ATP6V1E2: variants seen among roughly 807,000 people sequenced by gnomAD.
ATP6V1E2 encodes the protein ATPase H+ transporting V1 subunit E2.
For missense variants in ATP6V1E2, 308 were observed against 273.3 expected (o/e 1.13, Z -0.90); for synonymous variants, 121 against 104.2 (o/e 1.16, Z -0.98).
intron 4 of ATP6V1E2, chr2:46,519,004 G>A (rs540987371): frequency 6.6e-6 from 1 of 152,380 alleles, no homozygotes; most frequent in East Asian, 1.9e-4. Context: ...ACAGAATGTG[G>A]AACTTGGAAC....
In ATP6V1E2 at chr2:46,530,101, G is replaced by C. The variant is rs1424825506; in HGVS notation, c.-102+5712C>G. Among the ~76,000 whole-genome samples, 1 of 152,162 alleles carries C rather than the reference G, an allele frequency of 6.6e-6. No individual in the cohort carries two copies. Among genetic ancestry groups the C allele is most frequent in the African/African-American group, 2.4e-5 (1 of 41,432 alleles). The stretch of plus-strand genomic sequence containing the variant: ...TGGAAATTCCCACCTTTAACTGAAG[G>C]TCTCAGGATCACTCAATTCAGGCCA... On this transcript the variant is annotated intron_variant, in intron 4 of 4. Transcript: ENST00000522587. The surrounding 1 kb of genome is among the most constrained non-coding windows in gnomAD (Gnocchi z 5.2).
chr2:46,523,910 G>A (rs978240037), intron 4 of ATP6V1E2, among the ~76,000 whole-genome samples: 8 of 152,222 alleles, frequency 5.3e-5, no homozygotes, highest in African/African-American at 1.7e-4. Flanking sequence ...TATTCCTTGA[G>A]CAGTGGTTTG....
chr2:46,514,205 A>G (rs567136304), intron 4 of ATP6V1E2, among the ~76,000 whole-genome samples: 1 of 152,262 alleles, frequency 6.6e-6, no homozygotes, highest in South Asian at 2.1e-4. Flanking sequence ...GCTTGAACCC[A>G]GGAGGTGGAG....
At chr2:46,514,584 C>T (rs536857617) in intron 4 of ATP6V1E2, among the ~76,000 whole-genome samples, 1 of 152,144 alleles carries the variant, frequency 6.6e-6, no homozygotes, top group South Asian at 2.1e-4. Flanking sequence ...GAAGATATAA[C>T]ATTTGAAATT....
chr2:46,518,796 G>A (rs1043031901), intron 4 of ATP6V1E2: 8 of 87,714 alleles, frequency 9.1e-5, no homozygotes, highest in Non-Finnish European at 1.4e-4. Flanking sequence ...GTGTGTGTGT[G>A]TGTGTGTGTG....
rs2103919999 is a variant in ATP6V1E2 at position 46,533,197 on chromosome 2, G to A, written c.-102+2616C>T. Among the ~76,000 whole-genome samples the A allele has an allele frequency of 1.4e-5, 2 of 140,430 alleles. 1 individual carries two copies. The highest frequency in any genetic ancestry group is 4.7e-4 in the South Asian group (2 of 4,238). 92.1% of individuals were successfully genotyped at this position (140,430 alleles called of 152,430 possible). A position where few individuals can be genotyped will look rare whatever the true frequency, so the allele number is the denominator to read the frequency against. ...GTTATATCATATATAGTGTGTGCAT[G>A]TATGTGTAGATAGATAGATAGATAG... On this transcript the variant is annotated intron_variant, in intron 4 of 4. Transcript: ENST00000522587.
intron 1 of ATP6V1E2, 48 bp downstream of exon 1, chr2:46,542,169 G>A (rs925251853): frequency 1.3e-5 from 2 of 151,444 alleles, no homozygotes; most frequent in African/African-American, 4.9e-5. Context: ...CCAGCTCAAG[G>A]ACCGCCACCA....
intron 4 of ATP6V1E2, among the ~76,000 whole-genome samples, chr2:46,513,848 C>T (rs780914771): frequency 1.3e-5 from 2 of 152,014 alleles, no homozygotes; most frequent in African/African-American, 2.4e-5. Flanking sequence ...CAACAAAACA[C>T]GTTATATTCT....
In ATP6V1E2 at chr2:46,512,281, A is replaced by G. The variant is rs976307968; in HGVS notation, c.431T>C (p.Val144Ala). ...VRCRPQDLLL[V>A]EAAVQKAIPE... ...GATGGCTTTTTGTACAGCAGCCTCC[A>G]CCAGGAGGAGGTCTTGTGGCCGGCA... The change falls in exon 5 of 5, where the codon GTG becomes GCG. Residue 144 changes from valine to alanine, a missense_variant. By Grantham distance (64) the Val-to-Ala change is moderately conservative. Transcript: ENST00000522587. 2 of 1,611,602 alleles carry G rather than the reference A, an allele frequency of 1.2e-6. No individual in the cohort carries two copies. The highest frequency in any genetic ancestry group is 1.7e-6 in the Non-Finnish European group (2 of 1,178,464).
chr2:46,539,573 A>C (rs936030566), intron 2 of ATP6V1E2, among the ~76,000 whole-genome samples: 5 of 152,258 alleles, frequency 3.3e-5, no homozygotes, highest in Non-Finnish European at 7.3e-5. Flanking sequence ...TGCCCAACCC[A>C]TGCCAGACCC....
chr2:46,520,040 A>AG (rs1311580295), intron 4 of ATP6V1E2: 1 of 152,266 alleles, frequency 6.6e-6, no homozygotes, highest in African/African-American at 2.4e-5. Flanking sequence ...CCTGAATCCC[A>AG]GGATTCTGAA....
chr2:46,524,858 G>A (rs1466544324), intron 4 of ATP6V1E2, among the ~76,000 whole-genome samples: 1 of 152,178 alleles, frequency 6.6e-6, no homozygotes, highest in Non-Finnish European at 1.5e-5. Context: ...AAGACACTGG[G>A]GTGTGAATGG....
chr2:46,533,881 G>T (rs982801887), intron 4 of ATP6V1E2, among the ~76,000 whole-genome samples: 4 of 152,164 alleles, frequency 2.6e-5, no homozygotes, highest in Non-Finnish European at 5.9e-5. Flanking sequence ...TCACTTTAAA[G>T]ACGCGATTTC....
intron 4 of ATP6V1E2, among the ~76,000 whole-genome samples, chr2:46,513,193 TCAGCCAGGATTTAATC>T (rs144793172): frequency 0.32 from 44,400 of 138,356 alleles, 7,317 homozygotes; most frequent in Middle Eastern, 0.39. Flanking sequence ...AAACTCATGG[TCAGCCAGGATTTAATC>T]CAGCCAGGAT....
At chr2:46,513,455 C>T (rs1330405432) in intron 4 of ATP6V1E2, among the ~76,000 whole-genome samples, 1 of 152,172 alleles carries the variant, frequency 6.6e-6, no homozygotes, top group Non-Finnish European at 1.5e-5. Context: ...TAGCGTTGTT[C>T]AAGTTCTCTG....
In ATP6V1E2 at chr2:46,512,196, G is replaced by T. The variant is rs776602780; in HGVS notation, c.516C>A (p.Tyr172Ter). 4 of 1,614,046 alleles carry T rather than the reference G, an allele frequency of 2.5e-6. No individual in the cohort carries two copies. Among genetic ancestry groups the T allele is most frequent in the African/African-American group, 1.3e-5 (1 of 74,906 alleles). ...CACCTCCAGCTGCATTCACAGCCAGGTATGCCTCTTTATCAATCTGGACCT... is the reference window on the plus strand; with the variant it reads ...CACCTCCAGCTGCATTCACAGCCAGTTATGCCTCTTTATCAATCTGGACCT... ...HVEVQIDKEAYLAVNAAGGVE... is the reference protein window; with the variant it reads ...HVEVQIDKEA The change falls in exon 5 of 5, where the codon TAC (tyrosine) becomes TAA (stop). Residue 172 changes from tyrosine (Y) to a stop codon, truncating the protein, a stop_gained. Transcript: ENST00000522587. LOFTEE classifies it low-confidence loss of function (END_TRUNC).
In ATP6V1E2 at chr2:46,530,318, G is replaced by A. The variant is rs2103906299; in HGVS notation, c.-102+5495C>T. 6.6e-6 allele frequency among the ~76,000 whole-genome samples: 1 copy of A among 152,238 alleles called. No individual in the cohort carries two copies. Among genetic ancestry groups the A allele is most frequent in the African/African-American group, 2.4e-5 (1 of 41,520 alleles). On this transcript the variant is annotated intron_variant, in intron 4 of 4. Transcript: ENST00000522587. This position sits in a 1 kb window ranked among gnomAD's most constrained non-coding sequence, Gnocchi z 5.2. Reference sequence around the variant, plus strand: ...TGCACAGTAAAGGGATGATGGTGGTGGGTGGGGTGGTCATGCCCCCAATTC... The same window carrying A: ...TGCACAGTAAAGGGATGATGGTGGTAGGTGGGGTGGTCATGCCCCCAATTC...
At chr2:46,528,655 A>G (rs1419206845) in intron 4 of ATP6V1E2, among the ~76,000 whole-genome samples, 2 of 152,214 alleles carry the variant, frequency 1.3e-5, no homozygotes, top group Non-Finnish European at 2.9e-5. Flanking sequence ...AGATGCATCC[A>G]GGACTGGGCA....
rs1356168429 is a variant in ATP6V1E2, at chr2:46,535,343, C to A, written c.-102+470G>T. The stretch of plus-strand genomic sequence containing the variant: ...CACATTAATAAAGTGATCTGCTTCT[C>A]CAGTCTCTTCTCAGGAGCCTGGGTT... On this transcript the variant is annotated intron_variant, in intron 4 of 4. Coordinates refer to ENST00000522587, the MANE Select transcript of ATP6V1E2 (RefSeq NM_001318063.2). This position sits in a 1 kb window ranked among gnomAD's most constrained non-coding sequence, Gnocchi z 4.4. 6.6e-6 allele frequency: 1 copy of A among 152,118 alleles called. No homozygotes were observed. Among genetic ancestry groups the A allele is most frequent in the East Asian group, 1.9e-4 (1 of 5,202 alleles). The allele number at this position is 152,118 out of a possible 1,614,324, so 9.4% of individuals were successfully genotyped here. A position where few individuals can be genotyped will look rare whatever the true frequency, so the allele number is the denominator to read the frequency against.
Sources: allele counts gnomAD v4.1 joint callset (sites outside exome capture counted in the v4.1 genomes callset), GRCh38; gene constraint gnomAD v4.1.1; non-coding constraint Gnocchi (gnomAD v3.1); transcripts MANE v1.5; gene names NCBI Gene and HGNC (gene_info 2026-07-23, HGNC 2026-07-21).